Variants in STRC observed in about 807,000 individuals in gnomAD.
The protein encoded by STRC is stereocilin.
Under a neutral mutation model 103.5 loss-of-function variants are expected in STRC, and 43 were observed. The ratio of observed to expected loss-of-function variants is 0.42; its 90% CI spans 0.33 to 0.54. STRC has a LOEUF of 0.54. STRC is among the 20% of genes least tolerant of loss of function. The pLI is 0.14. For synonymous variants in STRC, 186 were observed against 442.3 expected (o/e 0.42, Z 7.27); for missense variants, 499 against 1,088.5 (o/e 0.46, Z 7.62).
rs2141519950 is a variant in STRC, at chr15:43,601,666, C to A, written c.4546-115G>T. 3 of 1,152,182 alleles carry A rather than the reference C, an allele frequency of 2.6e-6. No individual in the cohort carries two copies. In the East Asian group the frequency reaches 7.6e-5, roughly 29 times the overall value. 71.4% of individuals were successfully genotyped at this position (1,152,182 alleles called of 1,614,324 possible). A position where few individuals can be genotyped will look rare whatever the true frequency, so the allele number is the denominator to read the frequency against. ...GTATAACTCTAGGTAAATCATTTGC[C>A]TTTTCTTTAGTTTCCTCCACTATAA... is the stretch of plus-strand genomic sequence containing the variant. On this transcript the variant is annotated intron_variant, in intron 23 of 28. Transcript: ENST00000450892.
intron 23 of STRC, 48 bp downstream of exon 23, chr15:43,603,194 C>A (rs1350963271): frequency 6.3e-6 from 10 of 1,597,872 alleles, no homozygotes; most frequent in Middle Eastern, 2.1e-4. Context: ...TACATCACAC[C>A]CAAATAGCTT....
rs749753534 is a variant in STRC at position 43,608,121 on chromosome 15, G to A, written c.3640C>T (p.His1214Tyr). ...NSMVDFLEVV[H>Y]MIYQLPTRVR... is the part of the protein sequence containing the mutation. The stretch of plus-strand genomic sequence containing the variant: ...CTAGTGGGCAGCTGATAGATCATGT[G>A]CACCACTTCAAGGAAGTCTACCATG... The change falls in exon 17 of 29, where the codon CAC (histidine) becomes TAC (tyrosine). Residue 1214 changes from histidine (H) to tyrosine (Y), a missense_variant. Coordinates refer to ENST00000450892, the MANE Select transcript of STRC (RefSeq NM_153700.2). The A allele has an allele frequency of 7.8e-5, 126 of 1,608,502 alleles. 3 individuals carry two copies. The highest frequency in any genetic ancestry group is 9.9e-5 in the Non-Finnish European group (117 of 1,179,100).
At chr15:43,602,875 G>C (rs1361378383) in intron 23 of STRC, among the ~76,000 whole-genome samples, 1 of 151,366 alleles carries the variant, frequency 6.6e-6, no homozygotes, top group African/African-American at 2.4e-5. Context: ...TTGATCTCCT[G>C]ACCTCGTGAT....
chr15:43,605,398 T>A lies in STRC; in HGVS notation c.3796A>T (p.Ile1266Phe). The change falls in exon 19 of 29, where the codon ATC becomes TTC. Residue 1266 changes from isoleucine to phenylalanine, a missense_variant and splice_region_variant. By Grantham distance (21) the Ile-to-Phe change is conservative (BLOSUM62 0). Transcript: ENST00000450892. ...LDSKLLLDLP[I>F]QLMDRLSNES... Reference sequence around the variant, plus strand: ...TTGGATAGTCTGTCCATCAACTGGATCCTATTACAGCAATTTGACAACAAC... The same window carrying A: ...TTGGATAGTCTGTCCATCAACTGGAACCTATTACAGCAATTTGACAACAAC... 2 of 1,601,422 alleles carry A rather than the reference T, an allele frequency of 1.2e-6. No homozygotes were observed. The highest frequency in any genetic ancestry group is 4.5e-5 in the East Asian group (2 of 44,700).
chr15:43,604,300 C>T, intron 21 of STRC, 61 bp downstream of exon 21: 1 of 1,588,436 alleles, frequency 6.3e-7, no homozygotes, highest in Non-Finnish European at 8.6e-7. Context: ...CACGGGTCCC[C>T]ATAACCAGCT....
chr15:43,617,935 G>T lies in STRC; in HGVS notation c.486C>A (p.Thr162=). Reference sequence around the variant, plus strand: ...GGACACAGTCAGACGGCCCATCACGGGTGCATGGGGGCCGAGTTGGGGTAG... The same window carrying T: ...GGACACAGTCAGACGGCCCATCACGTGTGCATGGGGGCCGAGTTGGGGTAG... ...GPPTPTRPPC[T]RDGPSDCVLA... is the part of the protein sequence containing the mutation. The change falls in exon 2 of 29, where the codon ACC becomes ACA. Residue 162 remains threonine, a synonymous_variant. Transcript: ENST00000450892. 6.2e-7 allele frequency: 1 copy of T among 1,614,084 alleles called. No homozygotes were observed. Among genetic ancestry groups the T allele is most frequent in the South Asian group, 1.1e-5 (1 of 91,084 alleles).
In STRC at chr15:43,603,484, G is replaced by A. The variant is rs182338164; in HGVS notation, c.4376-73C>T. ...GCCCAGAGAGATATCTGTAGATAGA[G>A]TGAGTCTTCCAACCTTTGGAGGATA... On this transcript the variant is annotated intron_variant, in intron 22 of 28. Coordinates refer to ENST00000450892, the MANE Select transcript of STRC (RefSeq NM_153700.2). The A allele has an allele frequency of 6.3e-5, 95 of 1,503,836 alleles. No homozygotes were observed. The Middle Eastern group carries it at 1.0e-3, about 16-fold the overall frequency. 93.2% of individuals were successfully genotyped at this position (1,503,836 alleles called of 1,614,324 possible).
chr15:43,600,514 G>A lies in STRC; in HGVS notation c.4993+20C>T. 1.2e-6 allele frequency: 2 copies of A among 1,611,224 alleles called. No homozygotes were observed. The highest frequency in any genetic ancestry group is 2.2e-5 in the South Asian group (2 of 90,942). ...ATAGAAACCAAACCAACTTGCACCAGCAGTGGCCCAGCTCCCCACCTGCTA... is the reference window on the plus strand; with the variant it reads ...ATAGAAACCAAACCAACTTGCACCAACAGTGGCCCAGCTCCCCACCTGCTA... On this transcript the variant is annotated intron_variant, in intron 26 of 28. Coordinates refer to ENST00000450892, the MANE Select transcript of STRC (RefSeq NM_153700.2).
At position 43,604,737 on chromosome 15, in the gene STRC, G is replaced by T. The variant is rs761752678; in HGVS notation, c.4040C>A (p.Ser1347Tyr). 7 of 1,613,540 alleles carry T rather than the reference G, an allele frequency of 4.3e-6. No individual in the cohort carries two copies. In the African/African-American group the frequency reaches 9.4e-5, roughly 22 times the overall value. The change falls in exon 20 of 29, where the codon TCC becomes TAC. Residue 1347 changes from serine (S) to tyrosine (Y), a missense_variant. By Grantham distance (144) the Ser-to-Tyr change is moderately radical. Transcript: ENST00000450892. The part of the protein sequence containing the change: ...TRQIPLQILL[S>Y]HLSQLQGFCL... ...GAAGCCTTGCAGCTGACTGAGATGGGACAGCAGGATCTGTAGGGGGATCTG... is the reference window on the plus strand; with the variant it reads ...GAAGCCTTGCAGCTGACTGAGATGGTACAGCAGGATCTGTAGGGGGATCTG...
chr15:43,605,289 A>G lies in STRC; in HGVS notation c.3905T>C (p.Leu1302Pro). ...CAGGTTTTGTAGTGCCCTCTCTGCCAGGGCTGCCTGGTGGAGGGGGGTCAG... is the reference window on the plus strand; with the variant it reads ...CAGGTTTTGTAGTGCCCTCTCTGCCGGGGCTGCCTGGTGGAGGGGGGTCAG... ...LALTPLHQAA[L>P]AERALQNLAP... The change falls in exon 19 of 29, where the codon CTG becomes CCG. Residue 1302 changes from leucine (L) to proline (P), a missense_variant. Physicochemically the swap from Leu to Pro is moderately conservative, Grantham distance 98 (BLOSUM62 -3). Coordinates refer to ENST00000450892, the MANE Select transcript of STRC (RefSeq NM_153700.2). 1 of 1,591,472 alleles carries G rather than the reference A, an allele frequency of 6.3e-7. No homozygotes were observed. Among genetic ancestry groups the G allele is most frequent in the Non-Finnish European group, 8.6e-7 (1 of 1,167,928 alleles).
chr15:43,603,774 G>C (rs1024576490), intron 22 of STRC, among the ~76,000 whole-genome samples: 2 of 151,988 alleles, frequency 1.3e-5, no homozygotes, highest in African/African-American at 2.4e-5. Context: ...AGACACGAGA[G>C]AGCAGGAAAA....
At position 43,600,717 on chromosome 15, in the gene STRC, G is replaced by A. The variant is rs760405894; in HGVS notation, c.4845-35C>T. On this transcript the variant is annotated intron_variant, in intron 25 of 28. Transcript: ENST00000450892. ...AGTAGGAAGGAAGGAAGAAGAATTC[G>A]GCTTCAGTGAAAGGGGCTGTGGTCA... 104 of 1,612,806 alleles carry A rather than the reference G, an allele frequency of 6.4e-5. 3 individuals carry two copies. The South Asian group carries it at 8.5e-4, about 13-fold the overall frequency.
intron 15 of STRC, chr15:43,610,030 C>A (rs2085736929): frequency 8.5e-5 from 25 of 293,566 alleles, no homozygotes; most frequent in South Asian, 6.8e-4. Flanking sequence ...TCTCAAAAAA[C>A]AAAAAAAAAA....
intron 15 of STRC, 191 bp from the exon 16 acceptor site, chr15:43,609,525 G>A (rs1406059359): frequency 3.2e-6 from 2 of 617,126 alleles, no homozygotes; most frequent in Non-Finnish European, 5.8e-6. Flanking sequence ...AAGGGAAGGA[G>A]AAAGAAAAAG....
At chr15:43,606,646 C>T (rs907357115) in intron 18 of STRC, among the ~76,000 whole-genome samples, 5 of 115,780 alleles carry the variant, frequency 4.3e-5, no homozygotes, top group African/African-American at 1.6e-4. Flanking sequence ...CCCTTTTACC[C>T]GAAATCAGAG....
intron 22 of STRC, 122 bp downstream of exon 22, chr15:43,603,874 C>T (rs1361531915): frequency 2.6e-6 from 4 of 1,542,792 alleles, no homozygotes; most frequent in African/African-American, 1.4e-5. Flanking sequence ...AAGATCATCC[C>T]TCTAAACTCT....
intron 22 of STRC, chr15:43,603,635 T>G: frequency 1.5e-6 from 1 of 647,614 alleles, no homozygotes; most frequent in East Asian, 2.9e-5. Flanking sequence ...GAGGATGTTA[T>G]TCAGAGATTT....
chr15:43,603,217 C>T, intron 23 of STRC, 25 bp downstream of exon 23: 1 of 1,612,142 alleles, frequency 6.2e-7, no homozygotes, highest in Non-Finnish European at 8.5e-7. Context: ...TCATGGCCAA[C>T]CCCAGTTGGC....
At chr15:43,603,562 G>A (rs2085689712) in intron 22 of STRC, 151 bp from the exon 23 acceptor site, 1 of 859,526 alleles carries the variant, frequency 1.2e-6, no homozygotes, top group African/African-American at 1.6e-5. Context: ...ATATGTATAG[G>A]GCTTAGGAGA....
Sources: allele counts gnomAD v4.1 joint callset (sites outside exome capture counted in the v4.1 genomes callset), GRCh38; gene constraint gnomAD v4.1.1; transcripts MANE v1.5; gene names NCBI Gene and HGNC (gene_info 2026-07-23, HGNC 2026-07-21).